The following KANSL1 variants were observed in gnomAD, a reference collection of about 807,000 sequenced individuals.
The protein encoded by KANSL1 is MLL1/MLL complex subunit KANSL1.
A neutral mutation model predicts 103.6 loss-of-function variants in KANSL1; 22 were observed. The observed-to-expected ratio is 0.21, with a 90% CI of 0.15 to 0.30. The LOEUF (loss-of-function observed/expected upper bound fraction) is 0.30. Ranked by LOEUF, KANSL1 falls within the 10% of genes least tolerant of loss-of-function variation. KANSL1 has a pLI of 1.00. For missense variants in KANSL1, 1,337 were observed against 1,399.8 expected, an observed-to-expected ratio of 0.96 and a Z score of 0.72; for synonymous variants, 600 against 527.6, an observed-to-expected ratio of 1.14 and a Z score of -1.88.
intron 1 of KANSL1, among the ~76,000 whole-genome samples, chr17:46,201,877 T>C (rs1173132383): frequency 1.3e-5 from 2 of 152,170 alleles, no homozygotes; most frequent in Non-Finnish European, 2.9e-5. Context: ...CATGGTGGCA[T>C]GCACCTGTAG....
intron 3 of KANSL1, among the ~76,000 whole-genome samples, chr17:46,087,683 A>G (rs3912063): frequency 0.14 from 21,618 of 152,228 alleles, 2,113 homozygotes; most frequent in Non-Finnish European, 0.22. Flanking sequence ...GGAGGTCTAC[A>G]TAATTACTTA....
intron 4 of KANSL1, among the ~76,000 whole-genome samples, chr17:46,074,145 A>G (rs1299903160): frequency 6.6e-6 from 1 of 152,210 alleles, no homozygotes; most frequent in Admixed American, 6.5e-5. Flanking sequence ...GAGCTGAAGT[A>G]GGCAAAATAC....
intron 1 of KANSL1, among the ~76,000 whole-genome samples, chr17:46,184,271 G>A (rs560028990): frequency 2.0e-5 from 3 of 152,288 alleles, no homozygotes; most frequent in South Asian, 2.1e-4. Context: ...GAGGGTGAGG[G>A]TTGGCAACAC....
chr17:46,225,363 G>A (rs1299442908), upstream of KANSL1: 1 of 153,566 alleles, frequency 6.5e-6, no homozygotes, highest in Non-Finnish European at 1.5e-5. Context: ...ACCAAGCCTA[G>A]AAGTGGGGGC....
chr17:46,209,502 T>C (rs1179291988), intron 1 of KANSL1, among the ~76,000 whole-genome samples: 1 of 152,228 alleles, frequency 6.6e-6, no homozygotes. Context: ...TTTTTTGTTG[T>C]TGTTTTTTTG....
intron 1 of KANSL1, among the ~76,000 whole-genome samples, chr17:46,184,147 A>G (rs915113767): frequency 1.3e-5 from 2 of 152,254 alleles, no homozygotes; most frequent in African/African-American, 4.8e-5. Context: ...AATATAAATT[A>G]GGTGTGAAGG....
At chr17:46,050,396 T>G (rs1167012577) in intron 7 of KANSL1, 137 bp downstream of exon 7, 1 of 877,088 alleles carries the variant, frequency 1.1e-6, no homozygotes, top group East Asian at 2.7e-5. Context: ...TTTTGCAAAA[T>G]TCTAAGAGAA....
intron 2 of KANSL1, among the ~76,000 whole-genome samples, chr17:46,096,043 T>C (rs1159269545): frequency 3.9e-5 from 6 of 151,914 alleles, no homozygotes; most frequent in Non-Finnish European, 8.8e-5. Flanking sequence ...ATATTGCTGG[T>C]AACAGTTAAA....
chr17:46,196,546 A>G (rs2047616117), upstream of KANSL1: 1 of 414,732 alleles, frequency 2.4e-6, no homozygotes, highest in African/African-American at 2.1e-5. Flanking sequence ...CCAACATCAA[A>G]GGGAATAGAG....
upstream of KANSL1, among the ~76,000 whole-genome samples, chr17:46,195,241 C>A (rs2047566733): frequency 6.6e-6 from 1 of 152,214 alleles, no homozygotes; most frequent in African/African-American, 2.4e-5. Flanking sequence ...CCCTTTGCAG[C>A]GTATACTTAA....
intron 2 of KANSL1, among the ~76,000 whole-genome samples, chr17:46,122,136 A>G (rs959547192): frequency 5.3e-5 from 8 of 152,230 alleles, no homozygotes; most frequent in African/African-American, 1.9e-4. Context: ...TACAGGTGCT[A>G]GCAACTACAG....
At chr17:46,191,546 A>C (rs969180179) in intron 1 of KANSL1, among the ~76,000 whole-genome samples, 4 of 152,274 alleles carry the variant, frequency 2.6e-5, no homozygotes, top group African/African-American at 9.6e-5. Flanking sequence ...ACTAGTTTCC[A>C]TACTTGAAAG....
At chr17:46,099,249 G>A (rs1288050634) in intron 2 of KANSL1, among the ~76,000 whole-genome samples, 7 of 124,242 alleles carry the variant, frequency 5.6e-5, no homozygotes, top group African/African-American at 1.0e-4. Context: ...GCGTGAACCC[G>A]GAAGGCGGAG....
At chr17:46,168,627 A>G (rs2046127573) in intron 2 of KANSL1, among the ~76,000 whole-genome samples, 1 of 152,250 alleles carries the variant, frequency 6.6e-6, no homozygotes, top group South Asian at 2.1e-4. Context: ...GTGGGATTAC[A>G]GGAGTGAGCC....
intron 2 of KANSL1, among the ~76,000 whole-genome samples, chr17:46,139,380 A>G (rs551423351): frequency 1.3e-5 from 2 of 152,246 alleles, no homozygotes; most frequent in Admixed American, 6.5e-5. Context: ...CACTGAATTC[A>G]AAATTTTTAG....
intron 1 of KANSL1, among the ~76,000 whole-genome samples, chr17:46,181,433 C>CTT (rs796952871): frequency 1.4e-4 from 20 of 147,480 alleles, no homozygotes; most frequent in African/African-American, 4.2e-4. Context: ...GTTCCTCACA[C>CTT]TTTTTTTTTT....
chr17:46,200,065 A>ACACACACC (rs760204883), intron 1 of KANSL1, among the ~76,000 whole-genome samples: 22 of 151,180 alleles, frequency 1.5e-4, no homozygotes, highest in Admixed American at 5.3e-4. Context: ...ACACACACAC[A>ACACACACC]CCCTGATTAT....
intron 2 of KANSL1, among the ~76,000 whole-genome samples, chr17:46,096,789 T>C (rs1044783796): frequency 5.3e-5 from 8 of 151,904 alleles, no homozygotes; most frequent in Admixed American, 4.6e-4. Flanking sequence ...TGGCTAATTT[T>C]TGTATTTTTA....
chr17:46,095,111 T>C (rs1470165203), intron 2 of KANSL1, among the ~76,000 whole-genome samples: 1 of 149,342 alleles, frequency 6.7e-6, no homozygotes, highest in Non-Finnish European at 1.5e-5. Flanking sequence ...ATTTAAAAAC[T>C]AATAAAGTAG....
Sources: gnomAD v4.1 joint callset for allele counts (sites outside exome capture counted in the v4.1 genomes callset) on GRCh38, gnomAD v4.1.1 for gene constraint, MANE v1.5 for transcripts, NCBI Gene and HGNC (gene_info 2026-07-23, HGNC 2026-07-21) for gene names.